Variants in ABCC9 observed in about 807,000 individuals in gnomAD.
ABCC9 encodes the protein ATP-binding cassette sub-family C member 9.
In ABCC9, 95 loss-of-function variants were observed where a neutral mutation model predicts 188.3. The ratio of observed to expected loss-of-function variants is 0.50; its 90% CI spans 0.43 to 0.60. ABCC9 has a LOEUF of 0.60. Among genes scored for constraint, ABCC9 ranks in the 20% least tolerant of loss-of-function variants. The pLI is 0.00. For missense variants in ABCC9, 1,102 were observed against 1,876.3 expected (o/e 0.59, Z 7.62); for synonymous variants, 659 against 652.7 (o/e 1.01, Z -0.15).
intron 30 of ABCC9, among the ~76,000 whole-genome samples, chr12:21,831,575 C>G (rs1429716217): frequency 6.6e-6 from 1 of 151,952 alleles, no homozygotes; most frequent in African/African-American, 2.4e-5. Flanking sequence ...GCATGATTTG[C>G]ACCAAGCAGA....
chr12:21,810,091 C>T (rs745446869), intron 36 of ABCC9, 136 bp from the exon 37 acceptor site: 30 of 659,002 alleles, frequency 4.6e-5, no homozygotes, highest in Non-Finnish European at 7.6e-5. Flanking sequence ...GCACCTAGAA[C>T]AGTGCCCAGA....
At chr12:21,806,973 T>G (rs1236933895) in intron 38 of ABCC9, among the ~76,000 whole-genome samples, 1 of 152,208 alleles carries the variant, frequency 6.6e-6, no homozygotes, top group Non-Finnish European at 1.5e-5. Context: ...ATGAGTGGTG[T>G]TGGTTAGTAA....
intron 31 of ABCC9, among the ~76,000 whole-genome samples, chr12:21,828,015 T>C (rs577117659): frequency 3.9e-5 from 6 of 152,382 alleles, no homozygotes; most frequent in African/African-American, 1.4e-4. Flanking sequence ...CTCTTTTCTG[T>C]TGTGTTTTGA....
At chr12:21,838,035 ATGT>A in intron 30 of ABCC9, 40 bp downstream of exon 30, 1 of 1,395,386 alleles carries the variant, frequency 7.2e-7, no homozygotes, top group Non-Finnish European at 1.0e-6. Context: ...TTTGTTGATG[ATGT>A]TATTGCCTAG....
At position 21,800,957 on chromosome 12, in the gene ABCC9, G is replaced by A; in HGVS notation, c.*87C>T. ...CAAAAATCTGTAAAAGTTTTAAGAT[G>A]CCACTTTACAGAGGTCAAGCTGATG... On this transcript the variant is annotated 3_prime_UTR_variant, in exon 40 of 40. Coordinates refer to ENST00000261200, the MANE Select transcript of ABCC9 (RefSeq NM_020297.4). 6.7e-7 allele frequency: 1 copy of A among 1,496,586 alleles called. No individual in the cohort carries two copies. Among genetic ancestry groups the A allele is most frequent in the Non-Finnish European group, 9.1e-7 (1 of 1,093,432 alleles). The allele number at this position is 1,496,586 out of a possible 1,614,324, so 92.7% of individuals were successfully genotyped here.
chr12:21,874,489 C>G (rs1946242803), intron 17 of ABCC9, among the ~76,000 whole-genome samples: 1 of 152,230 alleles, frequency 6.6e-6, no homozygotes, highest in Non-Finnish European at 1.5e-5. Context: ...GCCATATGAT[C>G]CAGCAATCCC....
At chr12:21,915,308 A>ATGTGTG (rs1167814740) in intron 7 of ABCC9, among the ~76,000 whole-genome samples, 64 of 67,320 alleles carry the variant, frequency 9.5e-4, no homozygotes, top group African/African-American at 2.9e-3. Flanking sequence ...GTGTATATAT[A>ATGTGTG]TATAATGTGT....
chr12:21,822,033 C>T (rs549376339), intron 31 of ABCC9, among the ~76,000 whole-genome samples: 122 of 151,998 alleles, frequency 8.0e-4, no homozygotes, highest in African/African-American at 2.8e-3. Context: ...ATTTTTGACC[C>T]GGTCTTCAGC....
At chr12:21,913,113 C>G (rs767940647) in intron 7 of ABCC9, 47 bp from the exon 8 acceptor site, 1 of 1,514,580 alleles carries the variant, frequency 6.6e-7, no homozygotes, top group Non-Finnish European at 9.0e-7. Context: ...CAAAATAAAA[C>G]TGCTTAGAGC....
intron 18 of ABCC9, among the ~76,000 whole-genome samples, chr12:21,871,026 T>A (rs955391735): frequency 5.3e-5 from 8 of 152,192 alleles, no homozygotes; most frequent in African/African-American, 1.9e-4. Flanking sequence ...GATTAGGAGA[T>A]CTTCCTGGTA....
chr12:21,832,968 C>G (rs1943859295), intron 30 of ABCC9, among the ~76,000 whole-genome samples: 1 of 152,154 alleles, frequency 6.6e-6, no homozygotes, highest in Admixed American at 6.5e-5. Context: ...TAATGGCATT[C>G]TCAGCAACCT....
intron 24 of ABCC9, 88 bp from the exon 25 acceptor site, chr12:21,848,334 G>C (rs1944789524): frequency 1.7e-6 from 2 of 1,181,608 alleles, no homozygotes; most frequent in African/African-American, 1.5e-5. Context: ...TAAATGGTTA[G>C]TTACCTTTAC....
At chr12:21,805,379 T>C in intron 39 of ABCC9, 1 of 1,497,178 alleles carries the variant, frequency 6.7e-7, no homozygotes, top group African/African-American at 1.4e-5. Flanking sequence ...CATTAAAAAA[T>C]AGTTTTTATT....
At chr12:21,912,843 G>A in intron 8 of ABCC9, 29 bp downstream of exon 8, 1 of 1,600,962 alleles carries the variant, frequency 6.2e-7, no homozygotes, top group Non-Finnish European at 8.6e-7. Flanking sequence ...TCAATAATAT[G>A]TTTCCATTGA....
rs888969855 is a variant in ABCC9 at position 21,845,695 on chromosome 12, G to A, written c.3004C>T (p.Leu1002Phe). 6 of 1,613,846 alleles carry A rather than the reference G, an allele frequency of 3.7e-6. No individual in the cohort carries two copies. Among genetic ancestry groups the A allele is most frequent in the Non-Finnish European group, 5.1e-6 (6 of 1,179,826 alleles). Residue 1002 changes from leucine to phenylalanine, a missense_variant, in exon 26 of 40, where the codon CTT (leucine) becomes TTT (phenylalanine). Leu to Phe is a conservative substitution (Grantham distance 22, BLOSUM62 0). This residue lies in a region of ABCC9 where 74 missense variants were observed against 132.7 expected (regional missense o/e 0.56). Coordinates refer to ENST00000261200, the MANE Select transcript of ABCC9 (RefSeq NM_020297.4). ...FLLILMIFSK[L>F]LKHSVIVAID... ...GCTACAATGACCGAATGCTTCAAAAGCTTAGAGAAAATCATCAGGATGAGC... is the reference window on the plus strand; with the variant it reads ...GCTACAATGACCGAATGCTTCAAAAACTTAGAGAAAATCATCAGGATGAGC...
At position 21,805,307 on chromosome 12, in the gene ABCC9, C is replaced by T. The variant is rs777661095; in HGVS notation, c.4512+691G>A. 3.7e-5 allele frequency: 59 copies of T among 1,613,488 alleles called. No homozygotes were observed. The highest frequency in any genetic ancestry group is 5.5e-5 in the South Asian group (5 of 91,068). ...GCCTGCATCCATAATAGAAGAGACA[C>T]GGTGCTGGAGAGAAAAATAGAAAAG... On this transcript the variant is annotated intron_variant, in intron 39 of 39. Transcript: ENST00000261200.
At position 21,809,857 on chromosome 12, in the gene ABCC9, C is replaced by T; in HGVS notation, c.4310G>A (p.Gly1437Asp). ...LKNMVKSLPG[G>D]LDAVVTEGGE... ...ATGCTATTTAGGAAATATACCTAGA[C>T]CTCCAGGTAGAGATTTGACCATATT... Residue 1437 changes from glycine (G) to aspartate (D), a missense_variant, in exon 37 of 40, where the codon GGT (glycine) becomes GAT (aspartate). Around this residue, in one of 12 missense-constraint regions of ABCC9, gnomAD observed 67 missense variants for 101.0 expected, o/e 0.66. Coordinates refer to ENST00000261200, the MANE Select transcript of ABCC9 (RefSeq NM_020297.4). The T allele has an allele frequency of 5.7e-6, 9 of 1,581,604 alleles. No homozygotes were observed. Among genetic ancestry groups the T allele is most frequent in the Non-Finnish European group, 7.8e-6 (9 of 1,151,756 alleles).
chr12:21,911,045 C>T lies in ABCC9; in HGVS notation c.1012-67G>A, dbSNP rs979455364. The T allele has an allele frequency of 2.7e-6, 4 of 1,462,942 alleles. No homozygotes were observed. The African/African-American group carries it at 5.7e-5, about 21-fold the overall frequency. 90.6% of individuals were successfully genotyped at this position (1,462,942 alleles called of 1,614,324 possible). A position where few individuals can be genotyped will look rare whatever the true frequency, so the allele number is the denominator to read the frequency against. On this transcript the variant is annotated intron_variant, in intron 8 of 39. Coordinates refer to ENST00000261200, the MANE Select transcript of ABCC9 (RefSeq NM_020297.4). ...TTTTATAGACCAGGTGTACAGTTTGCATTTATTAAAAGATACATAATATTT... is the reference window on the plus strand; with the variant it reads ...TTTTATAGACCAGGTGTACAGTTTGTATTTATTAAAAGATACATAATATTT...
chr12:21,923,741 T>G (rs1948930689), intron 5 of ABCC9: 1 of 649,046 alleles, frequency 1.5e-6, no homozygotes, highest in African/African-American at 1.8e-5. Flanking sequence ...TTTACCCACT[T>G]ATTGTATGAC....
Sources: gnomAD v4.1 joint callset for allele counts (sites outside exome capture counted in the v4.1 genomes callset) on GRCh38, gnomAD v4.1.1 for gene constraint, gnomAD v4.1.1 regional missense constraint, MANE v1.5 for transcripts, NCBI Gene and HGNC (gene_info 2026-07-23, HGNC 2026-07-21) for gene names.